The following PTPRE variants were observed in gnomAD, a reference collection of about 807,000 sequenced individuals.
PTPRE encodes protein tyrosine phosphatase receptor type E.
A neutral mutation model predicts 102.0 loss-of-function variants in PTPRE; 51 were observed. The ratio of observed to expected loss-of-function variants is 0.50; its 90% CI spans 0.40 to 0.63. PTPRE has a LOEUF of 0.63. PTPRE is among the 30% of genes least tolerant of loss of function. PTPRE has a pLI of 0.00. For synonymous variants in PTPRE, 345 were observed against 348.2 expected, an observed-to-expected ratio of 0.99 and a Z score of 0.10; for missense variants, 752 against 915.1, an observed-to-expected ratio of 0.82 and a Z score of 2.30.
At chr10:128,058,692 T>C (rs1013577548) in intron 7 of PTPRE, among the ~76,000 whole-genome samples, 2 of 152,134 alleles carry the variant, frequency 1.3e-5, no homozygotes, top group Non-Finnish European at 2.9e-5. Flanking sequence ...ATAGTATCAC[T>C]TAGGGTGGGA....
At chr10:128,049,290 G>C (rs1320778061) in intron 5 of PTPRE, among the ~76,000 whole-genome samples, 3 of 152,158 alleles carry the variant, frequency 2.0e-5, no homozygotes, top group African/African-American at 7.2e-5. Context: ...CAATGGGGGA[G>C]AGCAGGTGAC....
At chr10:128,078,571 C>T (rs1312515907) in intron 19 of PTPRE, among the ~76,000 whole-genome samples, 1 of 152,224 alleles carries the variant, frequency 6.6e-6, no homozygotes, top group Non-Finnish European at 1.5e-5. Flanking sequence ...TGGTGGCGCC[C>T]ACTCTTTGTG....
At chr10:128,026,443 C>T (rs1189443353) in intron 2 of PTPRE, among the ~76,000 whole-genome samples, 1 of 152,244 alleles carries the variant, frequency 6.6e-6, no homozygotes, top group Non-Finnish European at 1.5e-5. Flanking sequence ...TAGAACAACG[C>T]CCACTTCCAG....
At chr10:128,062,980 AGTG>A in intron 9 of PTPRE, 100 bp from the exon 10 acceptor site, 1 of 1,538,700 alleles carries the variant, frequency 6.5e-7, no homozygotes, top group Non-Finnish European at 8.8e-7. Flanking sequence ...CTGAGAAGGG[AGTG>A]AACAGCTGTC....
At chr10:127,940,360 T>G (rs1228344596) in intron 1 of PTPRE, among the ~76,000 whole-genome samples, 1 of 152,172 alleles carries the variant, frequency 6.6e-6, no homozygotes, top group African/African-American at 2.4e-5. Flanking sequence ...AGCCAACCCC[T>G]AGGACAGCTC....
intron 18 of PTPRE, 53 bp downstream of exon 18, chr10:128,076,781 C>T: frequency 3.7e-6 from 6 of 1,602,170 alleles, no homozygotes; most frequent in Non-Finnish European, 4.3e-6. Context: ...ACCACGCCCT[C>T]CCTCTGGGTT....
chr10:127,956,690 A>G (rs1225715873), intron 1 of PTPRE, among the ~76,000 whole-genome samples: 2 of 152,234 alleles, frequency 1.3e-5, no homozygotes, highest in Non-Finnish European at 2.9e-5. Context: ...ATTTGAAGCA[A>G]TAAATGAGAG....
In PTPRE at chr10:128,049,652, C is replaced by G. The variant is rs201268537; in HGVS notation, c.406C>G (p.Arg136Gly). 1 of 1,613,678 alleles carries G rather than the reference C, an allele frequency of 6.2e-7. No individual in the cohort carries two copies. Among genetic ancestry groups the G allele is most frequent in the Non-Finnish European group, 8.5e-7 (1 of 1,180,002 alleles). The change falls in exon 6 of 21, where the codon CGG (arginine) becomes GGG (glycine). Residue 136 changes from arginine to glycine, a missense_variant. Arg to Gly is a moderately radical substitution (Grantham distance 125, BLOSUM62 -2). Transcript: ENST00000254667. The part of the protein sequence containing the change: ...IRSADDCKQF[R>G]EEFNSLPSGH... ...ATCCGCCGACGACTGCAAGCAGTTT[C>G]GGGAGGAGTTCAACGTGAGTGTGGG...
chr10:127,918,739 G>C (rs912718766), intron 1 of PTPRE, among the ~76,000 whole-genome samples: 1 of 152,156 alleles, frequency 6.6e-6, no homozygotes, highest in Non-Finnish European at 1.5e-5. Context: ...TGGCAGAGTC[G>C]GAGGACAGAC....
chr10:127,979,726 G>T (rs1358528664), intron 1 of PTPRE, among the ~76,000 whole-genome samples: 1 of 152,204 alleles, frequency 6.6e-6, no homozygotes. Context: ...ATTTGTGTTT[G>T]ATTGGGGTTG....
At chr10:127,998,226 C>T (rs1353912831) in intron 2 of PTPRE, 3 of 152,104 alleles carry the variant, frequency 2.0e-5, no homozygotes, top group Non-Finnish European at 2.9e-5. Context: ...ATGAACGAGA[C>T]GGGGAGTTTT....
intron 1 of PTPRE, among the ~76,000 whole-genome samples, chr10:127,940,386 T>G (rs529767558): frequency 1.3e-5 from 2 of 152,288 alleles, no homozygotes; most frequent in East Asian, 3.9e-4. Flanking sequence ...CCACCATCCC[T>G]GAGGTACTGC....
chr10:128,032,659 T>C (rs953317470), intron 2 of PTPRE, among the ~76,000 whole-genome samples: 36 of 152,336 alleles, frequency 2.4e-4, no homozygotes, highest in African/African-American at 8.4e-4. Context: ...GTTGGGACTC[T>C]TGCTGGCCAC....
chr10:128,079,303 C>A (rs3763791), intron 19 of PTPRE, among the ~76,000 whole-genome samples: 25,230 of 152,194 alleles, frequency 0.17, 2,435 homozygotes, highest in Middle Eastern at 0.26. Flanking sequence ...TGCTTAAAAA[C>A]TTGTCACTGG....
At chr10:128,072,501 AATTAGCTGGGCGTG>A (rs1850860079) in intron 16 of PTPRE, 1 of 261,644 alleles carries the variant, frequency 3.8e-6, no homozygotes, top group Non-Finnish European at 7.3e-6. Context: ...AAAATACAAA[AATTAGCTGGGCGTG>A]ATGGCAGGTG....
chr10:128,013,796 C>G (rs1040053227), intron 2 of PTPRE, among the ~76,000 whole-genome samples: 10 of 152,200 alleles, frequency 6.6e-5, no homozygotes, highest in Non-Finnish European at 1.3e-4. Context: ...GCTTTCAGAA[C>G]TGTGAGGAGC....
At chr10:127,921,533 G>A (rs1015443431) in intron 1 of PTPRE, among the ~76,000 whole-genome samples, 6 of 152,158 alleles carry the variant, frequency 3.9e-5, no homozygotes, top group African/African-American at 7.2e-5. Context: ...CAGGAGGGAC[G>A]TGAGCTCCAT....
intron 7 of PTPRE, among the ~76,000 whole-genome samples, chr10:128,058,285 T>A (rs1005015879): frequency 2.6e-5 from 4 of 152,136 alleles, no homozygotes; most frequent in Non-Finnish European, 5.9e-5. Flanking sequence ...CCACTGCAAG[T>A]CTTCTCTGAG....
At chr10:127,954,985 T>G (rs531551558) in intron 1 of PTPRE, among the ~76,000 whole-genome samples, 1 of 151,978 alleles carries the variant, frequency 6.6e-6, no homozygotes, top group East Asian at 2.0e-4. Context: ...GGGTTCCTCA[T>G]GCCTCTGAGT....
Sources: gnomAD v4.1 joint callset for allele counts (sites outside exome capture counted in the v4.1 genomes callset) on GRCh38, gnomAD v4.1.1 for gene constraint, MANE v1.5 for transcripts, NCBI Gene and HGNC (gene_info 2026-07-23, HGNC 2026-07-21) for gene names.